The following NEK9 variants were observed in gnomAD, a reference collection of about 807,000 sequenced individuals.
NEK9 encodes NIMA related kinase 9.
Under a neutral mutation model 123.4 loss-of-function variants are expected in NEK9, and 75 were observed. The ratio of observed to expected loss-of-function variants is 0.61; its 90% confidence interval spans 0.50 to 0.74. NEK9 has a LOEUF of 0.74. Ranked by LOEUF, NEK9 falls within the 30% of genes least tolerant of loss-of-function variation. The pLI, the probability that NEK9 is intolerant of heterozygous loss-of-function variation, is 0.00. For missense variants in NEK9, 952 were observed against 1,214.4 expected, an observed-to-expected ratio of 0.78 and a Z score of 3.21; for synonymous variants, 438 against 458.7, an observed-to-expected ratio of 0.95 and a Z score of 0.58.
intron 11 of NEK9, among the ~76,000 whole-genome samples, 179 bp from the exon 12 acceptor site, chr14:75,106,881 GTAC>G (rs1184422970): frequency 1.3e-5 from 2 of 152,088 alleles, no homozygotes; most frequent in African/African-American, 2.4e-5. Context: ...AGAGTCATGT[GTAC>G]TACTACTACT....
chr14:75,121,986 C>A (rs1001823771), intron 2 of NEK9, among the ~76,000 whole-genome samples: 2 of 152,230 alleles, frequency 1.3e-5, no homozygotes, highest in Admixed American at 1.3e-4. Context: ...GGGTCTACCC[C>A]TAGACTGTTT....
chr14:75,097,334 C>T, intron 16 of NEK9, 64 bp from the exon 17 acceptor site: 1 of 1,386,274 alleles, frequency 7.2e-7, no homozygotes, highest in South Asian at 1.5e-5. Flanking sequence ...CTCCGGGTTC[C>T]CCATCTTTAT....
At chr14:75,092,701 T>G (rs979596398) in intron 18 of NEK9, among the ~76,000 whole-genome samples, 2 of 152,190 alleles carry the variant, frequency 1.3e-5, no homozygotes, top group African/African-American at 4.8e-5. Flanking sequence ...TGATGTGTGG[T>G]CAGGAAATGA....
chr14:75,103,551 C>G (rs1430601926), intron 14 of NEK9, among the ~76,000 whole-genome samples: 1 of 152,144 alleles, frequency 6.6e-6, no homozygotes, highest in Admixed American at 6.5e-5. Flanking sequence ...ATAGACCATT[C>G]CCATTACTCT....
chr14:75,093,145 TAA>T (rs1208228669), intron 18 of NEK9, among the ~76,000 whole-genome samples: 1 of 152,206 alleles, frequency 6.6e-6, no homozygotes, highest in Non-Finnish European at 1.5e-5. Context: ...CGCTTAAACT[TAA>T]AGAGAATTAA....
Position 75,104,220 on chromosome 14 carries a change from A to G in NEK9, c.1576-223T>C, listed in dbSNP as rs77987144. Reference sequence around the variant, plus strand: ...CCCTCTTTTGCCCAGGCTGGAGTGAAGTCGTGCGATCTTAGCTCACCGCAA... The same window carrying G: ...CCCTCTTTTGCCCAGGCTGGAGTGAGGTCGTGCGATCTTAGCTCACCGCAA... On this transcript the variant is annotated intron_variant, in intron 13 of 21. Coordinates refer to ENST00000238616, the MANE Select transcript of NEK9 (RefSeq NM_033116.6). 5.4e-3 allele frequency among the ~76,000 whole-genome samples: 822 copies of G among 151,530 alleles called. 59 individuals carry two copies. The East Asian group carries it at 0.14, about 26-fold the overall frequency.
chr14:75,085,492 A>G (rs1243110098), intron 21 of NEK9, among the ~76,000 whole-genome samples: 5 of 152,196 alleles, frequency 3.3e-5, no homozygotes, highest in Non-Finnish European at 7.3e-5. Flanking sequence ...TATATAAAAC[A>G]ATAGCATGGC....
At chr14:75,093,848 A>G (rs575118324) in intron 18 of NEK9, among the ~76,000 whole-genome samples, 1 of 152,328 alleles carries the variant, frequency 6.6e-6, no homozygotes, top group Admixed American at 6.5e-5. Flanking sequence ...GGAGATGTTC[A>G]CTTTCACTCC....
At chr14:75,113,937 C>T (rs571406420) in intron 7 of NEK9, among the ~76,000 whole-genome samples, 16 of 17,772 alleles carry the variant, frequency 9.0e-4, no homozygotes, top group Middle Eastern at 0.025. Flanking sequence ...TCAGAAATTA[C>T]TCTTGGTCAT....
chr14:75,110,352 T>C lies in NEK9; in HGVS notation c.958A>G (p.Thr320Ala). ...KRRREMEEKV[T>A]LLNAPTKRPR... ...CTCTTTGTAGGTGCATTAAGCAGAG[T>C]GACTTTTTCCTCCATCTCTCTACCA... The change falls in exon 9 of 22, where the codon ACT becomes GCT. Residue 320 changes from threonine (T) to alanine (A), a missense_variant. Around this residue, in one of 4 missense-constraint regions of NEK9, gnomAD observed 698 missense variants for 875.6 expected, o/e 0.80. Transcript: ENST00000238616. The C allele has an allele frequency of 6.2e-7, 1 of 1,613,434 alleles. No individual in the cohort carries two copies.
chr14:75,115,785 A>C (rs550360138), intron 6 of NEK9, among the ~76,000 whole-genome samples: 234 of 152,222 alleles, frequency 1.5e-3, no homozygotes, highest in African/African-American at 5.3e-3. Context: ...CCCACCCCCC[A>C]AAAAAATCTG....
chr14:75,121,330 T>C (rs971482727), intron 2 of NEK9, among the ~76,000 whole-genome samples, 156 bp from the exon 3 acceptor site: 2 of 152,222 alleles, frequency 1.3e-5, no homozygotes, highest in Non-Finnish European at 2.9e-5. Context: ...CACAAAACTC[T>C]TCCCATCTCT....
chr14:75,091,782 C>A (rs1221081698), intron 18 of NEK9: 2 of 245,700 alleles, frequency 8.1e-6, no homozygotes, highest in Non-Finnish European at 1.5e-5. Flanking sequence ...AACAATCCCC[C>A]CAACCACAGC....
At chr14:75,089,587 C>T (rs1421844689) in intron 19 of NEK9, among the ~76,000 whole-genome samples, 1 of 149,792 alleles carries the variant, frequency 6.7e-6, no homozygotes. Context: ...CCAGGCTGGA[C>T]TGCAGTGGTG....
At position 75,120,532 on chromosome 14, in the gene NEK9, G is replaced by T; in HGVS notation, c.502C>A (p.His168Asn). ...TACCTATGAAGGATTCCAGCTTTAT[G>T]GATGCAGCTCACTGCTGAAACAATC... ...FQIVSAVSCI[H>N]KAGILHRDIK... is the part of the protein sequence containing the mutation. The change falls in exon 4 of 22, where the codon CAT (histidine) becomes AAT (asparagine). Residue 168 changes from histidine to asparagine, a missense_variant. His to Asn is a moderately conservative substitution (Grantham distance 68). Coordinates refer to ENST00000238616, the MANE Select transcript of NEK9 (RefSeq NM_033116.6). 6.2e-7 allele frequency: 1 copy of T among 1,611,964 alleles called. No individual in the cohort carries two copies. The highest frequency in any genetic ancestry group is 8.5e-7 in the Non-Finnish European group (1 of 1,178,512).
intron 14 of NEK9, among the ~76,000 whole-genome samples, chr14:75,102,413 T>A (rs562888982): frequency 6.6e-6 from 1 of 152,252 alleles, no homozygotes; most frequent in Non-Finnish European, 1.5e-5. Flanking sequence ...AGTGGCGCGG[T>A]CTCGGCTCAC....
intron 4 of NEK9, 45 bp downstream of exon 4, chr14:75,120,465 G>A: frequency 7.1e-7 from 1 of 1,401,634 alleles, no homozygotes; most frequent in Non-Finnish European, 1.0e-6. Context: ...GGTAGGGGCT[G>A]AATTGGTAGG....
intron 16 of NEK9, among the ~76,000 whole-genome samples, chr14:75,100,377 C>T (rs1355619446): frequency 6.6e-6 from 1 of 152,018 alleles, no homozygotes; most frequent in African/African-American, 2.4e-5. Context: ...ACCTGGGAGG[C>T]AGAGGCTGTG....
intron 6 of NEK9, among the ~76,000 whole-genome samples, chr14:75,115,123 A>ACC: frequency 6.8e-6 from 1 of 146,142 alleles, no homozygotes; most frequent in East Asian, 2.1e-4. Flanking sequence ...GTACACACAC[A>ACC]CACATTTCTT....
Sources: gnomAD v4.1 joint callset for allele counts (sites outside exome capture counted in the v4.1 genomes callset) on GRCh38, gnomAD v4.1.1 for gene constraint, gnomAD v4.1.1 regional missense constraint, MANE v1.5 for transcripts, NCBI Gene and HGNC (gene_info 2026-07-23, HGNC 2026-07-21) for gene names.